Variants in ATP11A observed in about 807,000 individuals in gnomAD.
ATP11A encodes the protein phospholipid-transporting ATPase IH.
In ATP11A, 81 loss-of-function variants were observed where a neutral mutation model predicts 154.4. That is an observed-to-expected ratio of 0.52 (90% CI 0.44 to 0.63). ATP11A has a LOEUF of 0.63. Among genes scored for constraint, ATP11A ranks in the 30% least tolerant of loss-of-function variants. The pLI is 0.00. For missense variants in ATP11A, 1,316 were observed against 1,474.3 expected (o/e 0.89, Z 1.76); for synonymous variants, 623 against 585.9 (o/e 1.06, Z -0.91).
chr13:112,740,246 CT>C (rs1416030964), intron 1 of ATP11A, among the ~76,000 whole-genome samples: 1 of 151,890 alleles, frequency 6.6e-6, no homozygotes. Flanking sequence ...ATGGTGCTAT[CT>C]CGGCTCATTG....
At chr13:112,773,817 C>T (rs1348063243) in intron 1 of ATP11A, among the ~76,000 whole-genome samples, 1 of 152,254 alleles carries the variant, frequency 6.6e-6, no homozygotes, top group Non-Finnish European at 1.5e-5. Context: ...GGGTGACGCG[C>T]ATCACGGGGT....
intron 1 of ATP11A, among the ~76,000 whole-genome samples, chr13:112,781,031 TTTTG>T (rs531271770): frequency 1.3e-4 from 20 of 152,074 alleles, no homozygotes; most frequent in East Asian, 5.8e-4. Context: ...TGACCCCGTC[TTTTG>T]TTTGTTTGTT....
At position 112,857,984 on chromosome 13, in the gene ATP11A, C is replaced by T. The variant is rs1038268293; in HGVS notation, c.2521+64C>T. On this transcript the variant is annotated intron_variant, in intron 21 of 29. Coordinates refer to ENST00000375645, the MANE Select transcript of ATP11A (RefSeq NM_015205.3). Reference sequence around the variant, plus strand: ...AGGTCACCCCTTCGCTAGACAAAGGCCCATGGCAGCACGCAGGTGCATTCA... The same window carrying T: ...AGGTCACCCCTTCGCTAGACAAAGGTCCATGGCAGCACGCAGGTGCATTCA... 2.2e-5 allele frequency: 35 copies of T among 1,581,772 alleles called. No individual in the cohort carries two copies. In the East Asian group the frequency reaches 3.6e-4, roughly 16 times the overall value.
intron 1 of ATP11A, among the ~76,000 whole-genome samples, chr13:112,784,934 C>G (rs575789675): frequency 2.9e-4 from 44 of 152,322 alleles, no homozygotes; most frequent in Non-Finnish European, 5.4e-4. Flanking sequence ...ACCAGAAGAC[C>G]TTGGCCCATG....
intron 1 of ATP11A, among the ~76,000 whole-genome samples, chr13:112,734,999 T>G (rs1890852764): frequency 6.6e-6 from 1 of 152,136 alleles, no homozygotes; most frequent in East Asian, 1.9e-4. Flanking sequence ...TTGAAGTAGC[T>G]GACACAATTA....
At position 112,800,359 on chromosome 13, in the gene ATP11A, T is replaced by G. The variant is rs532669702; in HGVS notation, c.163-4598T>G. 2.6e-5 allele frequency among the ~76,000 whole-genome samples: 4 copies of G among 152,240 alleles called. No homozygotes were observed. In the East Asian group the frequency reaches 7.7e-4, roughly 29 times the overall value. ...GCTAATAAAAAGATTAAAAGGAATA[T>G]CATGAACAGCCCTACACCCATAAAC... On this transcript the variant is annotated intron_variant, in intron 2 of 29. Transcript: ENST00000375645.
At chr13:112,699,855 G>T (rs1886315875) in intron 1 of ATP11A, among the ~76,000 whole-genome samples, 1 of 152,126 alleles carries the variant, frequency 6.6e-6, no homozygotes, top group Admixed American at 6.5e-5. Flanking sequence ...CATGGCCTTT[G>T]CTGTCTCTCT....
chr13:112,855,972 A>C lies in ATP11A; in HGVS notation c.2305A>C (p.Met769Leu). 6.2e-6 allele frequency: 10 copies of C among 1,614,248 alleles called. No individual in the cohort carries two copies. The highest frequency in any genetic ancestry group is 8.5e-6 in the Non-Finnish European group (10 of 1,180,040). The part of the protein sequence containing the change: ...IIDGAALSLI[M>L]KPREDGSSGN... ...CGACGGAGCTGCACTGTCTCTGATA[A>C]TGAAGCCTCGAGAAGACGGGAGTTC... Residue 769 changes from methionine to leucine, a missense_variant, in exon 20 of 30, where the codon ATG becomes CTG. Transcript: ENST00000375645.
At chr13:112,878,349 G>C in intron 29 of ATP11A, 46 bp downstream of exon 29, 1 of 1,593,630 alleles carries the variant, frequency 6.3e-7, no homozygotes, top group Non-Finnish European at 8.6e-7. Context: ...TAGACACGGG[G>C]CAGCAGGGCC....
chr13:112,717,387 C>T (rs775915096), intron 1 of ATP11A: 1 of 152,178 alleles, frequency 6.6e-6, no homozygotes, highest in Non-Finnish European at 1.5e-5. Context: ...GCTCCATTAC[C>T]TCCAAGCTGA....
intron 13 of ATP11A, among the ~76,000 whole-genome samples, chr13:112,831,872 GCACA>G (rs1006042914): frequency 2.0e-5 from 3 of 151,486 alleles, no homozygotes; most frequent in Non-Finnish European, 2.9e-5. Context: ...GATACTGTGT[GCACA>G]CACACACATG....
chr13:112,791,571 T>C (rs373741274), intron 2 of ATP11A, among the ~76,000 whole-genome samples: 1 of 152,190 alleles, frequency 6.6e-6, no homozygotes, highest in Non-Finnish European at 1.5e-5. Context: ...TTGGAGGAGA[T>C]GACAGAGCAT....
chr13:112,786,985 C>T (rs866510739), intron 2 of ATP11A, among the ~76,000 whole-genome samples: 45 of 144,916 alleles, frequency 3.1e-4, no homozygotes, highest in Middle Eastern at 3.9e-3. Context: ...ATGCGTAGAC[C>T]CCTGTGGAGA....
At chr13:112,848,823 G>A (rs1407668527) in intron 17 of ATP11A, among the ~76,000 whole-genome samples, 1 of 152,216 alleles carries the variant, frequency 6.6e-6, no homozygotes, top group East Asian at 1.9e-4. Flanking sequence ...GAGTAACTGG[G>A]ATTATAGGCA....
chr13:112,754,072 G>C lies in ATP11A; in HGVS notation c.40-31063G>C, dbSNP rs1020845391. ...TCTCACCGTGGTCCCCAGTGTTTTGGGATTGAGGAGGGGTTCGGCTTCACT... is the reference window on the plus strand; with the variant it reads ...TCTCACCGTGGTCCCCAGTGTTTTGCGATTGAGGAGGGGTTCGGCTTCACT... On this transcript the variant is annotated intron_variant, in intron 1 of 29. Coordinates refer to ENST00000375645, the MANE Select transcript of ATP11A (RefSeq NM_015205.3). The surrounding 1 kb of genome is among the most constrained non-coding windows in gnomAD (Gnocchi z 5.3). Among the ~76,000 whole-genome samples, 1 of 152,166 alleles carries C rather than the reference G, an allele frequency of 6.6e-6. No individual in the cohort carries two copies. Among genetic ancestry groups the C allele is most frequent in the Non-Finnish European group, 1.5e-5 (1 of 68,030 alleles).
At chr13:112,694,624 G>A (rs1263420407) in intron 1 of ATP11A, among the ~76,000 whole-genome samples, 1 of 152,154 alleles carries the variant, frequency 6.6e-6, no homozygotes, top group Non-Finnish European at 1.5e-5. Flanking sequence ...TCAGAGTTCT[G>A]TGGGTCAAGA....
chr13:112,865,081 A>G (rs535167797), intron 25 of ATP11A, among the ~76,000 whole-genome samples: 2 of 59,560 alleles, frequency 3.4e-5, no homozygotes, highest in South Asian at 6.4e-4. Flanking sequence ...CCATCACCAC[A>G]TGGGCAGTAA....
intron 1 of ATP11A, among the ~76,000 whole-genome samples, chr13:112,701,618 G>T (rs997052076): frequency 6.6e-6 from 1 of 151,570 alleles, no homozygotes; most frequent in Admixed American, 6.6e-5. Flanking sequence ...GGATCACGAG[G>T]TCGGGAGATC....
chr13:112,873,472 G>A (rs1427847910), intron 26 of ATP11A, 101 bp from the exon 27 acceptor site: 8 of 839,092 alleles, frequency 9.5e-6, no homozygotes, highest in Non-Finnish European at 1.5e-5. Context: ...TCTTGCGTTT[G>A]GTTTAGTTTC....
Sources: allele counts gnomAD v4.1 joint callset (sites outside exome capture counted in the v4.1 genomes callset), GRCh38; gene constraint gnomAD v4.1.1; non-coding constraint Gnocchi (gnomAD v3.1); transcripts MANE v1.5; gene names NCBI Gene and HGNC (gene_info 2026-07-23, HGNC 2026-07-21).